The following PAK3 variants were observed in gnomAD, a reference collection of about 807,000 sequenced individuals.
PAK3 encodes the protein serine/threonine-protein kinase PAK 3.
Under a neutral mutation model 41.0 loss-of-function variants are expected in PAK3, and 4 were observed. The observed-to-expected ratio is 0.10, with a 90% CI of 0.05 to 0.22. The LOEUF is 0.22. Ranked by LOEUF, PAK3 falls within the 10% of genes least tolerant of loss-of-function variation. The pLI, the probability that PAK3 is intolerant of heterozygous loss-of-function variation, is 1.00. For missense variants in PAK3, 205 were observed against 409.9 expected (o/e 0.50, Z 4.32); for synonymous variants, 146 against 139.6 (o/e 1.05, Z -0.32).
chrX:111,084,011 G>A (rs1569307742), intron 1 of PAK3, among the ~76,000 whole-genome samples: 1 of 112,623 alleles, frequency 8.9e-6, no homozygotes, highest in Non-Finnish European at 1.9e-5. Context: ...CCATGCTATG[G>A]ATAAAAGCAG....
chrX:111,031,438 G>T (rs746211746), intron 1 of PAK3, among the ~76,000 whole-genome samples: 14 of 112,012 alleles, frequency 1.2e-4, no homozygotes, highest in Middle Eastern at 4.6e-3. Context: ...AACACTTTCT[G>T]GTTGATGCTG....
At chrX:111,177,283 A>G (rs1213520925) in intron 11 of PAK3, among the ~76,000 whole-genome samples, 1 of 112,174 alleles carries the variant, frequency 8.9e-6, no homozygotes, top group African/African-American at 3.2e-5. Context: ...GAGCTTCTCC[A>G]TTAATCACCT....
intron 8 of PAK3, among the ~76,000 whole-genome samples, chrX:111,161,664 C>T (rs1033192481): frequency 2.7e-5 from 3 of 111,227 alleles, no homozygotes; most frequent in Non-Finnish European, 3.8e-5. Flanking sequence ...GGAAGGGATC[C>T]AGTTTCAGCT....
At chrX:111,038,810 T>C (rs887605775) in intron 1 of PAK3, among the ~76,000 whole-genome samples, 3 of 112,296 alleles carry the variant, frequency 2.7e-5, no homozygotes, top group Non-Finnish European at 5.6e-5. Context: ...ATCTGACATA[T>C]GTAAAGCACA....
chrX:111,120,198 A>G (rs1395944754), intron 4 of PAK3, among the ~76,000 whole-genome samples: 2 of 112,204 alleles, frequency 1.8e-5, no homozygotes, highest in Admixed American at 9.4e-5. Flanking sequence ...ATAGGAATGT[A>G]TGTCACATAA....
At chrX:111,157,151 T>C (rs1194244305) in intron 8 of PAK3, among the ~76,000 whole-genome samples, 1 of 111,522 alleles carries the variant, frequency 9.0e-6, no homozygotes, top group African/African-American at 3.3e-5. Context: ...AAATTGCAGA[T>C]TCCAGGGCTC....
chrX:111,150,817 G>A (rs1488938009), intron 7 of PAK3, among the ~76,000 whole-genome samples: 1 of 111,921 alleles, frequency 8.9e-6, no homozygotes, highest in East Asian at 2.8e-4. Context: ...GATGATTTGA[G>A]TTCTCTCTCT....
intron 1 of PAK3, among the ~76,000 whole-genome samples, chrX:111,019,225 A>G (rs964031938): frequency 2.7e-5 from 3 of 111,653 alleles, no homozygotes; most frequent in African/African-American, 9.8e-5. Context: ...CATAGGCAAC[A>G]AAAAAATGGA....
chrX:111,076,990 T>C (rs1372367106), intron 1 of PAK3, among the ~76,000 whole-genome samples: 1 of 111,565 alleles, frequency 9.0e-6, no homozygotes, highest in Non-Finnish European at 1.9e-5. Context: ...AATGTAGTAC[T>C]GCTACTATAC....
chrX:111,075,131 C>T (rs948697673), intron 1 of PAK3, among the ~76,000 whole-genome samples: 1 of 112,371 alleles, frequency 8.9e-6, no homozygotes, highest in Non-Finnish European at 1.9e-5. Context: ...AGCCATGTCA[C>T]AAAGAAGGAA....
intron 1 of PAK3, among the ~76,000 whole-genome samples, chrX:111,073,195 T>A (rs1054761110): frequency 1.8e-5 from 2 of 111,161 alleles, no homozygotes; most frequent in African/African-American, 6.6e-5. Flanking sequence ...AATGGACACA[T>A]AACATACCAA....
intron 10 of PAK3, among the ~76,000 whole-genome samples, chrX:111,171,973 G>C (rs1348820031): frequency 9.0e-6 from 1 of 111,486 alleles, no homozygotes; most frequent in Non-Finnish European, 1.9e-5. Context: ...ATTACTTTAT[G>C]ATCAAACTTT....
chrX:111,052,223 C>T (rs1465418568), intron 1 of PAK3, among the ~76,000 whole-genome samples: 3 of 112,445 alleles, frequency 2.7e-5, no homozygotes, highest in Non-Finnish European at 5.6e-5. Context: ...AAGTTAGAAC[C>T]AGCAAGCATT....
chrX:111,162,476 T>G (rs759081347), intron 8 of PAK3, among the ~76,000 whole-genome samples: 2 of 111,562 alleles, frequency 1.8e-5, no homozygotes, highest in East Asian at 5.7e-4. Flanking sequence ...CATATGTATA[T>G]GCATGCTCTG....
chrX:111,223,325 G>A lies in PAK3; in HGVS notation c.*2878G>A, dbSNP rs914066017. 5 of 109,406 alleles carry A rather than the reference G, an allele frequency of 4.6e-5. No individual in the cohort carries two copies. The highest frequency in any genetic ancestry group is 1.0e-4 in the African/African-American group (3 of 30,047). The allele number at this position is 109,406 out of a possible 1,213,427, so 9.0% of individuals were successfully genotyped here. ...TTATTTATTTAAAAAAGGAAAGAAC[G>A]TTAATGTTGTTAGCAAGGATCCAGT... On this transcript the variant is annotated 3_prime_UTR_variant, in exon 18 of 18. Transcript: ENST00000372007.
intron 16 of PAK3, among the ~76,000 whole-genome samples, chrX:111,211,674 C>CAAAAAAAAA (rs200390666): frequency 3.6e-5 from 2 of 55,099 alleles, no homozygotes; most frequent in African/African-American, 1.2e-4. Flanking sequence ...GACTTTGTCT[C>CAAAAAAAAA]AAAAAAAAAA....
chrX:111,198,116 CAT>C (rs1378182394), intron 16 of PAK3, among the ~76,000 whole-genome samples: 1 of 112,291 alleles, frequency 8.9e-6, no homozygotes, highest in African/African-American at 3.2e-5. Flanking sequence ...TTCTTGGGCA[CAT>C]GTATGTCTTC....
chrX:111,219,233 A>AATAAT (rs1343638390), intron 17 of PAK3, among the ~76,000 whole-genome samples: 8 of 104,089 alleles, frequency 7.7e-5, no homozygotes, highest in Non-Finnish European at 1.4e-4. Context: ...TAATAATAAT[A>AATAAT]ATAAGCAAGA....
At chrX:111,189,016 A>G (rs1407467372) in intron 11 of PAK3, among the ~76,000 whole-genome samples, 2 of 111,473 alleles carry the variant, frequency 1.8e-5, no homozygotes, top group East Asian at 2.8e-4. Context: ...GAATTATCCC[A>G]TCACCCAGAA....
Sources: gnomAD v4.1 joint callset for allele counts (sites outside exome capture counted in the v4.1 genomes callset) on GRCh38, gnomAD v4.1.1 for gene constraint, MANE v1.5 for transcripts, NCBI Gene and HGNC (gene_info 2026-07-23, HGNC 2026-07-21) for gene names.